The following ANKRD42 variants were observed in gnomAD, a reference collection of about 807,000 sequenced individuals.
ANKRD42 encodes the protein ankyrin repeat domain-containing protein 42.
In ANKRD42, 43 loss-of-function variants were observed where a neutral mutation model predicts 51.5. That is an observed-to-expected ratio of 0.83 (90% CI 0.65 to 1.08). ANKRD42 has a LOEUF of 1.08. ANKRD42 is among the 50% of genes least tolerant of loss of function. The probability of loss-of-function intolerance (pLI) is 0.00; values close to 1 mark genes in which losing one functional copy is unlikely to be tolerated. For synonymous variants in ANKRD42, 203 were observed against 213.0 expected, an observed-to-expected ratio of 0.95 and a Z score of 0.41; for missense variants, 608 against 629.3, an observed-to-expected ratio of 0.97 and a Z score of 0.36.
intron 2 of ANKRD42, among the ~76,000 whole-genome samples, chr11:83,200,904 G>A (rs573225111): frequency 1.6e-4 from 25 of 152,156 alleles, no homozygotes; most frequent in African/African-American, 5.5e-4. Context: ...TTATGCTATA[G>A]TACTGGTGAC....
At chr11:83,222,553 A>G (rs1247279172) in intron 5 of ANKRD42, among the ~76,000 whole-genome samples, 2 of 152,214 alleles carry the variant, frequency 1.3e-5, no homozygotes, top group African/African-American at 2.4e-5. Context: ...GGAAGTGACA[A>G]TTGGATAAAC....
At chr11:83,256,730 G>A (rs1863781492), downstream of ANKRD42, among the ~76,000 whole-genome samples, 5 of 152,146 alleles carry the variant, frequency 3.3e-5, no homozygotes, top group South Asian at 1.0e-3. Context: ...TATACTTCAT[G>A]TGGACGCTAA....
At chr11:83,213,627 C>G in intron 5 of ANKRD42, 17 of 973,762 alleles carry the variant, frequency 1.7e-5, no homozygotes, top group Non-Finnish European at 2.2e-5. Flanking sequence ...TTCCTGATGA[C>G]TAAAGATGTT....
chr11:83,261,099 T>G (rs530885375), downstream of ANKRD42: 1 of 152,312 alleles, frequency 6.6e-6, no homozygotes, highest in African/African-American at 2.4e-5. Flanking sequence ...ACACATTTAT[T>G]TATTTAGGTA....
rs562776624 is a variant in ANKRD42 at position 83,213,000 on chromosome 11, G to C, written c.586+1570G>C. The C allele has an allele frequency of 3.1e-6, 5 of 1,599,216 alleles. No homozygotes were observed. In the African/African-American group the frequency reaches 6.7e-5, roughly 21 times the overall value. On this transcript the variant is annotated intron_variant, in intron 5 of 10. Coordinates refer to ENST00000533342, the MANE Select transcript of ANKRD42 (RefSeq NM_001300975.2). Reference sequence around the variant, plus strand: ...GGAGGTGGCAGCCATCTCCTCCTCAGCATCATGGCCACCCTCAGACCCCTT... The same window carrying C: ...GGAGGTGGCAGCCATCTCCTCCTCACCATCATGGCCACCCTCAGACCCCTT...
rs1336506789 is a variant in ANKRD42, at chr11:83,228,253, T to C, written c.913+381T>C. Among the ~76,000 whole-genome samples, 12 of 129,452 alleles carry C rather than the reference T, an allele frequency of 9.3e-5. No individual in the cohort carries two copies. The East Asian group carries it at 1.8e-3, about 19-fold the overall frequency. 84.9% of individuals were successfully genotyped at this position (129,452 alleles called of 152,430 possible). ...TCTCTTTTTTTTTTTTTTTTTTTTT[T>C]TTTTTTTTTTTTTTTTAGACCGGGT... On this transcript the variant is annotated intron_variant, in intron 7 of 10. Coordinates refer to ENST00000533342, the MANE Select transcript of ANKRD42 (RefSeq NM_001300975.2).
chr11:83,216,606 G>C (rs1862545119), intron 5 of ANKRD42, among the ~76,000 whole-genome samples: 1 of 152,074 alleles, frequency 6.6e-6, no homozygotes, highest in Non-Finnish European at 1.5e-5. Flanking sequence ...TTACAGGCGT[G>C]AGCCACCGCG....
At chr11:83,205,652 C>T (rs190396549) in intron 2 of ANKRD42, among the ~76,000 whole-genome samples, 224 of 152,196 alleles carry the variant, frequency 1.5e-3, no homozygotes, top group African/African-American at 5.2e-3. Flanking sequence ...AGCTCTGGAC[C>T]CGTTTAAAGA....
chr11:83,208,827 G>A (rs1480441931), intron 3 of ANKRD42, among the ~76,000 whole-genome samples: 1 of 152,112 alleles, frequency 6.6e-6, no homozygotes, highest in Non-Finnish European at 1.5e-5. Flanking sequence ...GGGGGCTGGA[G>A]AAAAAGATTA....
Position 83,248,714 on chromosome 11 carries a change from A to G in ANKRD42, c.*510A>G. On this transcript the variant is annotated 3_prime_UTR_variant, in exon 11 of 11. Transcript: ENST00000533342. ...GGTCTCTTTAATAACCACTTTAAAA[A>G]TATTAAAATAATAAAACATGTTTGT... 2 of 975,000 alleles carry G rather than the reference A, an allele frequency of 2.1e-6. No homozygotes were observed. Among genetic ancestry groups the G allele is most frequent in the Non-Finnish European group, 2.4e-6 (2 of 820,454 alleles). 60.4% of individuals were successfully genotyped at this position (975,000 alleles called of 1,614,324 possible). A position where few individuals can be genotyped will look rare whatever the true frequency, so the allele number is the denominator to read the frequency against.
intron 5 of ANKRD42, chr11:83,213,296 G>A: frequency 1.3e-6 from 2 of 1,592,040 alleles, no homozygotes; most frequent in Non-Finnish European, 8.5e-7. Context: ...TTACTGTGCT[G>A]AGATGTTTCC....
chr11:83,242,176 T>C (rs1016960452), intron 9 of ANKRD42, among the ~76,000 whole-genome samples: 14 of 152,164 alleles, frequency 9.2e-5, no homozygotes, highest in African/African-American at 3.1e-4. Flanking sequence ...GCAATATTTA[T>C]ATATATATCC....
At chr11:83,196,296 A>G (rs973540477) in intron 1 of ANKRD42, among the ~76,000 whole-genome samples, 7 of 152,052 alleles carry the variant, frequency 4.6e-5, no homozygotes, top group African/African-American at 1.4e-4. Context: ...CTCAAGTCCA[A>G]GTTTTTAAAA....
chr11:83,257,143 G>A (rs1165413393), downstream of ANKRD42: 1 of 337,796 alleles, frequency 3.0e-6, no homozygotes. Flanking sequence ...CAGCTGAACT[G>A]GTTTCAGCAA....
chr11:83,217,687 C>A (rs763540796), intron 5 of ANKRD42, among the ~76,000 whole-genome samples: 4 of 152,300 alleles, frequency 2.6e-5, no homozygotes, highest in East Asian at 1.9e-4. Context: ...GCCCAGAGGG[C>A]CTTTGTCCTC....
chr11:83,216,318 C>T (rs924526395), intron 5 of ANKRD42, among the ~76,000 whole-genome samples: 2 of 151,950 alleles, frequency 1.3e-5, no homozygotes, highest in East Asian at 1.9e-4. Flanking sequence ...TGAAGAAGTC[C>T]CTTTACCATT....
At chr11:83,204,550 G>T (rs1861995307) in intron 2 of ANKRD42, among the ~76,000 whole-genome samples, 1 of 151,946 alleles carries the variant, frequency 6.6e-6, no homozygotes, top group South Asian at 2.1e-4. Context: ...TTGGGAGATG[G>T]GTTCAATAGA....
At chr11:83,217,707 G>A (rs920625352) in intron 5 of ANKRD42, among the ~76,000 whole-genome samples, 2 of 152,216 alleles carry the variant, frequency 1.3e-5, no homozygotes, top group African/African-American at 4.8e-5. Context: ...CTGGGGCAGT[G>A]CGCCTTCCAG....
At chr11:83,245,239 C>A (rs575309986) in intron 9 of ANKRD42, among the ~76,000 whole-genome samples, 1 of 152,138 alleles carries the variant, frequency 6.6e-6, no homozygotes, top group Non-Finnish European at 1.5e-5. Context: ...TTGTTCATAG[C>A]GTTAATAGTC....
Sources: allele counts gnomAD v4.1 joint callset (sites outside exome capture counted in the v4.1 genomes callset), GRCh38; gene constraint gnomAD v4.1.1; transcripts MANE v1.5; gene names NCBI Gene and HGNC (gene_info 2026-07-23, HGNC 2026-07-21).